OR6J1: variants seen among roughly 807,000 people sequenced by gnomAD.
OR6J1 encodes olfactory receptor 6J1.
For synonymous variants in OR6J1, 109 were observed against 70.0 expected (o/e 1.56, Z -2.78); for missense variants, 304 against 166.8 (o/e 1.82, Z -4.53).
rs1287960586 is a variant in OR6J1, at chr14:22,634,351, G to C, written c.461C>G (p.Ser154Cys). The C allele has an allele frequency of 2.8e-6, 2 of 703,330 alleles. No individual in the cohort carries two copies. Among genetic ancestry groups the C allele is most frequent in the Non-Finnish European group, 5.2e-6 (2 of 384,984 alleles). 43.6% of individuals were successfully genotyped at this position (703,330 alleles called of 1,614,324 possible). A position where few individuals can be genotyped will look rare whatever the true frequency, so the allele number is the denominator to read the frequency against. ...VVFSWVGGFL[S>C]VLFPTILISQ... ...GATGAGGATGGTTGGAAAGAGCACA[G>C]ACAGGAAGCCTCCCACCCAAGAGAA... Residue 154 changes from serine to cysteine, a missense_variant, in exon 2 of 2, where the codon TCT becomes TGT. By Grantham distance (112) the Ser-to-Cys change is moderately radical. Coordinates refer to ENST00000540461, the MANE Select transcript of OR6J1 (RefSeq NM_001348233.2).
In OR6J1 at chr14:22,631,219, T is replaced by C. The variant is rs2037543222; in HGVS notation, c.*2549A>G. The C allele has an allele frequency of 6.6e-6, 1 of 152,156 alleles. No homozygotes were observed. 9.4% of individuals were successfully genotyped at this position (152,156 alleles called of 1,614,324 possible). ...AACATCTTATCAGGAGACAGGGTTT[T>C]GAGAGCAACCAGTCTGACCAAAATT... On this transcript the variant is annotated 3_prime_UTR_variant, in exon 2 of 2. Transcript: ENST00000540461.
intron 1 of OR6J1, among the ~76,000 whole-genome samples, chr14:22,639,263 G>A (rs1286265320): frequency 7.3e-5 from 9 of 123,488 alleles, no homozygotes; most frequent in South Asian, 2.4e-4. Flanking sequence ...CAGGCCAGCC[G>A]CCCCGTCCGG....
chr14:22,631,855 C>A lies in OR6J1; in HGVS notation c.*1913G>T. 1 of 153,186 alleles carries A rather than the reference C, an allele frequency of 6.5e-6. No homozygotes were observed. Among genetic ancestry groups the A allele is most frequent in the South Asian group, 2.0e-4 (1 of 5,120 alleles). 9.5% of individuals were successfully genotyped at this position (153,186 alleles called of 1,614,324 possible). ...CTTCCCCATGCCAAAATCCTCCAGT[C>A]AGGGAATACTCGGGCCTTTCCCTTT... On this transcript the variant is annotated 3_prime_UTR_variant, in exon 2 of 2. Coordinates refer to ENST00000540461, the MANE Select transcript of OR6J1 (RefSeq NM_001348233.2).
At chr14:22,635,370 A>G (rs2037576607) in intron 1 of OR6J1, among the ~76,000 whole-genome samples, 1 of 152,240 alleles carries the variant, frequency 6.6e-6, no homozygotes, top group Admixed American at 6.5e-5. Flanking sequence ...TTCAAAATGT[A>G]TTATTAAGTT....
rs1338085696 is a variant in OR6J1 at position 22,636,697 on chromosome 14, G to A, written c.-27-1859C>T. On this transcript the variant is annotated intron_variant, in intron 1 of 1. Transcript: ENST00000540461. ...TCCCGGGGTGCCGGGATTGCGGACG[G>A]AGTCTCGTTCACTCAGTGCTCAGTG... Among the ~76,000 whole-genome samples, 65 of 116,864 alleles carry A rather than the reference G, an allele frequency of 5.6e-4. 2 individuals carry two copies. Among genetic ancestry groups the A allele is most frequent in the Non-Finnish European group, 1.0e-4 (6 of 59,128 alleles). The allele number at this position is 116,864 out of a possible 152,430, so 76.7% of individuals were successfully genotyped here. A position where few individuals can be genotyped will look rare whatever the true frequency, so the allele number is the denominator to read the frequency against.
chr14:22,634,120 C>T lies in OR6J1; in HGVS notation c.692G>A (p.Ser231Asn), dbSNP rs1460675918. Residue 231 changes from serine (S) to asparagine (N), a missense_variant, in exon 2 of 2, where the codon AGT becomes AAT. Coordinates refer to ENST00000540461, the MANE Select transcript of OR6J1 (RefSeq NM_001348233.2). Reference protein sequence around the residue: ...ILTIVRIPSASGRKKAFNTCA... With the variant: ...ILTIVRIPSANGRKKAFNTCA... ...GGTATTAAAGGCCTTCTTCCTTCCACTTGCAGAAGGAATGCGCACTATGGT... is the reference window on the plus strand; with the variant it reads ...GGTATTAAAGGCCTTCTTCCTTCCATTTGCAGAAGGAATGCGCACTATGGT... 1.4e-6 allele frequency: 1 copy of T among 703,254 alleles called. No homozygotes were observed. The highest frequency in any genetic ancestry group is 2.6e-6 in the Non-Finnish European group (1 of 384,946). The allele number at this position is 703,254 out of a possible 1,614,324, so 43.6% of individuals were successfully genotyped here.
chr14:22,634,225 A>C lies in OR6J1; in HGVS notation c.587T>G (p.Leu196Arg). 1.4e-6 allele frequency: 1 copy of C among 703,470 alleles called. No individual in the cohort carries two copies. Among genetic ancestry groups the C allele is most frequent in the Non-Finnish European group, 2.6e-6 (1 of 385,020 alleles). The allele number at this position is 703,470 out of a possible 1,614,324, so 43.6% of individuals were successfully genotyped here. A position where few individuals can be genotyped will look rare whatever the true frequency, so the allele number is the denominator to read the frequency against. ...CATGGAAGAAAGCATAAAATCCATC[A>C]GCTCGATGGCAGTGGTGTCTGCACA... ...LACADTTAIE[L>R]MDFMLSSMVI... Residue 196 changes from leucine to arginine, a missense_variant, in exon 2 of 2, where the codon CTG becomes CGG. Transcript: ENST00000540461.
intron 1 of OR6J1, among the ~76,000 whole-genome samples, chr14:22,636,918 T>A (rs1322046106): frequency 8.3e-6 from 1 of 120,098 alleles, no homozygotes; most frequent in Non-Finnish European, 1.7e-5. Flanking sequence ...CTGCCCAGTC[T>A]GGAAAGTGAG....
intron 1 of OR6J1, among the ~76,000 whole-genome samples, chr14:22,640,317 G>C (rs1315138998): frequency 8.4e-6 from 1 of 119,550 alleles, no homozygotes; most frequent in Non-Finnish European, 1.8e-5. Flanking sequence ...GAGAGGGGAG[G>C]AGAGGAGAGG....
chr14:22,638,523 C>T (rs1432585319), intron 1 of OR6J1, among the ~76,000 whole-genome samples: 5 of 94,032 alleles, frequency 5.3e-5, no homozygotes, highest in South Asian at 2.9e-4. Context: ...TGCGGAAGGC[C>T]GCAGGGTCCT....
In OR6J1 at chr14:22,632,530, C is replaced by G. The variant is rs113167695; in HGVS notation, c.*1238G>C. 0.23 allele frequency: 35,283 copies of G among 152,068 alleles called. 4,371 individuals carry two copies. Among genetic ancestry groups the G allele is most frequent in the African/African-American group, 0.32 (13,324 of 41,434 alleles). 9.4% of individuals were successfully genotyped at this position (152,068 alleles called of 1,614,324 possible). A position where few individuals can be genotyped will look rare whatever the true frequency, so the allele number is the denominator to read the frequency against. On this transcript the variant is annotated 3_prime_UTR_variant, in exon 2 of 2. Transcript: ENST00000540461. ...GCAGTGAGCTGAGATTGCACCACTG[C>G]ACTCCATCCTGGGCGACAGAGTGAG...
At chr14:22,639,796 TAA>T (rs1023818330) in intron 1 of OR6J1, among the ~76,000 whole-genome samples, 1 of 119,058 alleles carries the variant, frequency 8.4e-6, no homozygotes, top group Non-Finnish European at 1.7e-5. Flanking sequence ...GCATGCTCCT[TAA>T]GAGTCATCAC....
At chr14:22,634,934 C>A (rs2037573713) in intron 1 of OR6J1, 96 bp from the exon 2 acceptor site, 1 of 581,672 alleles carries the variant, frequency 1.7e-6, no homozygotes, top group South Asian at 2.2e-5. Context: ...AACATGATGA[C>A]TGCCAGCTAG....
chr14:22,641,209 AT>A (rs1183864111), intron 1 of OR6J1, among the ~76,000 whole-genome samples: 1 of 18,706 alleles, frequency 5.3e-5, no homozygotes, highest in African/African-American at 4.5e-4. Flanking sequence ...GGAGAGAAAG[AT>A]AAGAAAGAAA....
rs192954864 is a variant in OR6J1, at chr14:22,631,311, C to A, written c.*2457G>T. On this transcript the variant is annotated 3_prime_UTR_variant, in exon 2 of 2. Coordinates refer to ENST00000540461, the MANE Select transcript of OR6J1 (RefSeq NM_001348233.2). ...CTATGGGAGACTGGGGTCTATTTGA[C>A]CCCTACAGTCTACAGACCATAAAAG... 6.6e-6 allele frequency: 1 copy of A among 152,190 alleles called. No homozygotes were observed. Among genetic ancestry groups the A allele is most frequent in the Non-Finnish European group, 1.5e-5 (1 of 68,044 alleles). 9.4% of individuals were successfully genotyped at this position (152,190 alleles called of 1,614,324 possible).
At chr14:22,640,106 A>G (rs2037631774) in intron 1 of OR6J1, among the ~76,000 whole-genome samples, 1 of 151,642 alleles carries the variant, frequency 6.6e-6, no homozygotes, top group East Asian at 1.9e-4. Flanking sequence ...TCTGTGACCC[A>G]ATAATTCTAC....
chr14:22,637,099 C>G (rs1201213149), intron 1 of OR6J1, among the ~76,000 whole-genome samples: 3 of 117,196 alleles, frequency 2.6e-5, no homozygotes, highest in African/African-American at 1.6e-4. Flanking sequence ...CCTCTGCTGG[C>G]CGCAACCCTG....
intron 1 of OR6J1, among the ~76,000 whole-genome samples, chr14:22,636,616 G>GT (rs1322447813): frequency 2.6e-5 from 3 of 116,916 alleles, no homozygotes; most frequent in Non-Finnish European, 5.1e-5. Flanking sequence ...GGGTTTTGCT[G>GT]TGTTGGCCGG....
Position 22,634,575 on chromosome 14 carries a change from T to C in OR6J1, c.237A>G (p.Lys79=), listed in dbSNP as rs1162350830. Residue 79 remains lysine (K), a synonymous_variant, in exon 2 of 2, where the codon AAA becomes AAG. Coordinates refer to ENST00000540461, the MANE Select transcript of OR6J1 (RefSeq NM_001348233.2). ...DILFTSVISP[K]VLANLGSRDK... ...CCCTAGATCCTAAGTTGGCCAACAC[T>C]TTTGGAGAGATGACTGAGGTGAAGA... 2.8e-6 allele frequency: 2 copies of C among 711,528 alleles called. No individual in the cohort carries two copies. The highest frequency in any genetic ancestry group is 1.7e-5 in the African/African-American group (1 of 57,414). The allele number at this position is 711,528 out of a possible 1,614,324, so 44.1% of individuals were successfully genotyped here.
Sources: allele counts gnomAD v4.1 joint callset (sites outside exome capture counted in the v4.1 genomes callset), GRCh38; gene constraint gnomAD v4.1.1; transcripts MANE v1.5; gene names NCBI Gene and HGNC (gene_info 2026-07-23, HGNC 2026-07-21).